The following OR1J2 variants were observed in gnomAD, a reference collection of about 807,000 sequenced individuals.
OR1J2 encodes the protein olfactory receptor 1J2.
For synonymous variants in OR1J2, 142 were observed against 99.7 expected (o/e 1.42, Z -2.52); for missense variants, 304 against 246.1 (o/e 1.24, Z -1.57).
chr9:122,478,138 C>T, the OR1J2 span, among the ~76,000 whole-genome samples: 3 of 152,288 alleles, frequency 2.0e-5, no homozygotes, highest in East Asian at 3.9e-4. Context: ...CTTTCTGAAT[C>T]TGGTCTCTGT....
At chr9:122,474,450 G>A in the OR1J2 span, among the ~76,000 whole-genome samples, 16 of 152,114 alleles carry the variant, frequency 1.1e-4, no homozygotes, top group Non-Finnish European at 2.1e-4. Context: ...ACTACAACAG[G>A]TCTATCCCAG....
At chr9:122,527,012 A>G in the OR1J2 span, 1 of 1,614,054 alleles carries the variant, frequency 6.2e-7, no homozygotes, top group Non-Finnish European at 8.5e-7. Flanking sequence ...GCGTGAGGCA[A>G]CCCGTATAGG....
chr9:122,459,810 T>A, the OR1J2 span, among the ~76,000 whole-genome samples: 2 of 152,148 alleles, frequency 1.3e-5, no homozygotes, highest in Non-Finnish European at 2.9e-5. Flanking sequence ...ACAGTGTACA[T>A]TGTAGTCAAT....
Position 122,511,219 on chromosome 9 carries a change from C to A in OR1J2, c.418C>A (p.Leu140Ile). Residue 140 changes from leucine to isoleucine, a missense_variant, in exon 1 of 1, where the codon CTC becomes ATC. Coordinates refer to ENST00000335302, the MANE Select transcript of OR1J2 (RefSeq NM_054107.1). ...CTACACTGTCATCATGAGGGAAGAG[C>A]TCTGTGTCTTCTTAGTGGCTGTATC... ...LHYTVIMREE[L>I]CVFLVAVSWI... 1 of 750,992 alleles carries A rather than the reference C, an allele frequency of 1.3e-6. No homozygotes were observed. The highest frequency in any genetic ancestry group is 1.8e-5 in the Admixed American group (1 of 55,096). The allele number at this position is 750,992 out of a possible 1,614,324, so 46.5% of individuals were successfully genotyped here. A position where few individuals can be genotyped will look rare whatever the true frequency, so the allele number is the denominator to read the frequency against.
chr9:122,536,098 G>A, the OR1J2 span, among the ~76,000 whole-genome samples: 8 of 152,278 alleles, frequency 5.3e-5, no homozygotes, highest in South Asian at 2.1e-4. Context: ...GGATGTGTAC[G>A]TGCAGGTCAC....
the OR1J2 span, among the ~76,000 whole-genome samples, chr9:122,481,657 G>C: frequency 6.6e-6 from 1 of 152,146 alleles, no homozygotes; most frequent in African/African-American, 2.4e-5. Flanking sequence ...ACAATGGTAA[G>C]ATAGCACTGA....
At chr9:122,574,298 A>T in the OR1J2 span, among the ~76,000 whole-genome samples, 2 of 152,118 alleles carry the variant, frequency 1.3e-5, no homozygotes, top group African/African-American at 4.8e-5. Context: ...AATTCAGGAG[A>T]ATTGACCTTT....
At chr9:122,448,138 G>A in the OR1J2 span, among the ~76,000 whole-genome samples, 1 of 152,176 alleles carries the variant, frequency 6.6e-6, no homozygotes, top group East Asian at 1.9e-4. Flanking sequence ...TCAGCAAGGG[G>A]AATGCGGCAG....
At chr9:122,452,742 A>G in the OR1J2 span, among the ~76,000 whole-genome samples, 23 of 151,918 alleles carry the variant, frequency 1.5e-4, no homozygotes, top group African/African-American at 5.1e-4. Context: ...TAAAAATTGT[A>G]TGGTGGCTGG....
the OR1J2 span, among the ~76,000 whole-genome samples, chr9:122,541,909 G>A: frequency 6.6e-6 from 1 of 152,126 alleles, no homozygotes; most frequent in Non-Finnish European, 1.5e-5. Flanking sequence ...TTTTTCATAT[G>A]TATACACCAA....
the OR1J2 span, among the ~76,000 whole-genome samples, chr9:122,483,369 T>A: frequency 1.3e-5 from 2 of 152,170 alleles, no homozygotes; most frequent in Non-Finnish European, 1.5e-5. Flanking sequence ...AGCCAATAAC[T>A]AGATAAACAG....
the OR1J2 span, chr9:122,553,875 G>A: frequency 3.7e-6 from 6 of 1,613,908 alleles, no homozygotes; most frequent in African/African-American, 2.7e-5. Flanking sequence ...CTTCTCCTAT[G>A]TCCGCATTTT....
the OR1J2 span, among the ~76,000 whole-genome samples, chr9:122,483,394 A>T: frequency 6.6e-6 from 1 of 152,214 alleles, no homozygotes; most frequent in Admixed American, 6.5e-5. Flanking sequence ...TAATTTATTT[A>T]TGTAATTCTA....
At chr9:122,572,607 G>A in the OR1J2 span, among the ~76,000 whole-genome samples, 3 of 149,656 alleles carry the variant, frequency 2.0e-5, no homozygotes, top group Non-Finnish European at 4.4e-5. Context: ...ATAGGGTTTT[G>A]CTGCTCTCAA....
At position 122,511,400 on chromosome 9, in the gene OR1J2, T is replaced by G; in HGVS notation, c.599T>G (p.Phe200Cys). 1.3e-6 allele frequency: 1 copy of G among 759,252 alleles called. No individual in the cohort carries two copies. Among genetic ancestry groups the G allele is most frequent in the Admixed American group, 1.8e-5 (1 of 57,126 alleles). 47.0% of individuals were successfully genotyped at this position (759,252 alleles called of 1,614,324 possible). A position where few individuals can be genotyped will look rare whatever the true frequency, so the allele number is the denominator to read the frequency against. Residue 200 changes from phenylalanine to cysteine, a missense_variant, in exon 1 of 1, where the codon TTC (phenylalanine) becomes TGC (cysteine). By Grantham distance (205) the Phe-to-Cys change is radical. Coordinates refer to ENST00000335302, the MANE Select transcript of OR1J2 (RefSeq NM_054107.1). ...SDIFLNELVM[F>C]TVGVVVITLP... Reference sequence around the variant, plus strand: ...ATCTTCCTCAATGAGCTGGTCATGTTCACAGTAGGGGTGGTGGTCATTACC... The same window carrying G: ...ATCTTCCTCAATGAGCTGGTCATGTGCACAGTAGGGGTGGTGGTCATTACC...
At chr9:122,477,139 G>A in the OR1J2 span, 2 of 1,614,076 alleles carry the variant, frequency 1.2e-6, no homozygotes, top group Non-Finnish European at 1.7e-6. Context: ...GTTGCTGGAT[G>A]GGGGAAGAAA....
At chr9:122,544,414 TC>T in the OR1J2 span, among the ~76,000 whole-genome samples, 64 of 131,250 alleles carry the variant, frequency 4.9e-4, no homozygotes, top group African/African-American at 1.3e-3. Context: ...GCCTCTTTTT[TC>T]TTTTTTTTTT....
chr9:122,492,421 C>A, the OR1J2 span, among the ~76,000 whole-genome samples: 1 of 152,052 alleles, frequency 6.6e-6, no homozygotes, highest in East Asian at 1.9e-4. Context: ...TGGGTTGGTT[C>A]CATGTCTTTG....
chr9:122,551,441 C>T, the OR1J2 span, among the ~76,000 whole-genome samples: 115,546 of 152,138 alleles, frequency 0.76, 44,471 homozygotes, highest in East Asian at 1. Flanking sequence ...TTGTTTCCAT[C>T]AGGATTATTC....
Sources: allele counts gnomAD v4.1 joint callset (sites outside exome capture counted in the v4.1 genomes callset), GRCh38; gene constraint gnomAD v4.1.1; transcripts MANE v1.5; gene names NCBI Gene and HGNC (gene_info 2026-07-23, HGNC 2026-07-21).